IGSF11: variants seen among roughly 807,000 people sequenced by gnomAD.
IGSF11 encodes CXADR like 1.
In IGSF11, 22 loss-of-function variants were observed where a neutral mutation model predicts 41.0. The ratio of observed to expected loss-of-function variants is 0.54; its 90% confidence interval spans 0.38 to 0.77. IGSF11 has a LOEUF of 0.77. IGSF11 is among the 30% of genes least tolerant of loss of function. The pLI is 0.00. For missense variants in IGSF11, 444 were observed against 530.8 expected, an observed-to-expected ratio of 0.84 and a Z score of 1.61; for synonymous variants, 219 against 201.3, an observed-to-expected ratio of 1.09 and a Z score of -0.74.
intron 1 of IGSF11, among the ~76,000 whole-genome samples, chr3:119,049,659 A>G (rs1941530659): frequency 6.6e-6 from 1 of 152,200 alleles, no homozygotes; most frequent in Non-Finnish European, 1.5e-5. Context: ...TTTAAAGTTC[A>G]TATGGAACCT....
chr3:118,969,919 T>C (rs1321511816), intron 1 of IGSF11, among the ~76,000 whole-genome samples: 1 of 152,220 alleles, frequency 6.6e-6, no homozygotes, highest in South Asian at 2.1e-4. Context: ...CCTCCTCATC[T>C]CTGCCACAAG....
chr3:118,990,616 A>C (rs920491102), intron 1 of IGSF11, among the ~76,000 whole-genome samples: 4 of 152,230 alleles, frequency 2.6e-5, no homozygotes, highest in African/African-American at 9.6e-5. Context: ...ATGGATAAAG[A>C]GTTATAGCCA....
intron 1 of IGSF11, among the ~76,000 whole-genome samples, chr3:119,024,312 T>G (rs963585758): frequency 6.6e-6 from 1 of 152,186 alleles, no homozygotes. Flanking sequence ...ATGTTTAAAT[T>G]TCTTTTACTA....
chr3:119,073,463 C>T (rs938046953), intron 1 of IGSF11, among the ~76,000 whole-genome samples: 4 of 152,270 alleles, frequency 2.6e-5, no homozygotes, highest in East Asian at 1.9e-4. Flanking sequence ...CAGGTGGTGG[C>T]GCCCATCGGG....
intron 1 of IGSF11, among the ~76,000 whole-genome samples, chr3:119,046,088 T>C (rs1941337575): frequency 6.6e-6 from 1 of 151,244 alleles, no homozygotes; most frequent in Non-Finnish European, 1.5e-5. Flanking sequence ...TCAGAGCGCC[T>C]CTCCACCTCC....
At chr3:118,987,484 C>G (rs1553703856) in intron 1 of IGSF11, among the ~76,000 whole-genome samples, 1 of 152,116 alleles carries the variant, frequency 6.6e-6, no homozygotes, top group Non-Finnish European at 1.5e-5. Context: ...GAAGTCCTGC[C>G]TAGTAGTGTG....
chr3:119,090,941 T>G (rs985546276), intron 1 of IGSF11, among the ~76,000 whole-genome samples: 3 of 152,112 alleles, frequency 2.0e-5, no homozygotes, highest in African/African-American at 7.2e-5. Flanking sequence ...GCCTACAGAA[T>G]GGGAGAAAAT....
At chr3:119,119,319 T>G (rs2077301186) in intron 1 of IGSF11, among the ~76,000 whole-genome samples, 1 of 152,162 alleles carries the variant, frequency 6.6e-6, no homozygotes, top group Non-Finnish European at 1.5e-5. Flanking sequence ...GAGGAGCAAG[T>G]CACATCTTAC....
chr3:119,066,193 G>A (rs1942228874), intron 1 of IGSF11, among the ~76,000 whole-genome samples: 1 of 152,120 alleles, frequency 6.6e-6, no homozygotes, highest in Admixed American at 6.5e-5. Flanking sequence ...AACTGATCCA[G>A]GATGATCTTA....
At chr3:119,135,112 G>A (rs1420456850) in intron 1 of IGSF11, among the ~76,000 whole-genome samples, 2 of 152,164 alleles carry the variant, frequency 1.3e-5, no homozygotes, top group African/African-American at 4.8e-5. Context: ...AAAAACCCTA[G>A]AAGAAAACCT....
At chr3:118,910,659 A>G (rs1940162401) in intron 4 of IGSF11, among the ~76,000 whole-genome samples, 1 of 152,182 alleles carries the variant, frequency 6.6e-6, no homozygotes, top group Non-Finnish European at 1.5e-5. Flanking sequence ...CTTGCATATT[A>G]TATAAAGCCT....
Position 118,902,552 on chromosome 3 carries a change from G to GT in IGSF11, c.1263dup (p.Pro422ThrfsTer45), listed in dbSNP as rs777813790. Reference sequence around the variant, plus strand: ...AAGGACCCGGCCCGACTCTGGGCTGGTACCATGACAGGTACTGCACCAATT... The same window carrying GT: ...AAGGACCCGGCCCGACTCTGGGCTGGTTACCATGACAGGTACTGCACCAATT... On this transcript the variant is annotated frameshift_variant, in exon 7 of 7. Coordinates refer to ENST00000393775, the MANE Select transcript of IGSF11 (RefSeq NM_001015887.3). LOFTEE classifies it high-confidence loss of function. 4.3e-6 allele frequency: 7 copies of GT among 1,613,802 alleles called. No individual in the cohort carries two copies. The highest frequency in any genetic ancestry group is 5.9e-6 in the Non-Finnish European group (7 of 1,179,922).
intron 1 of IGSF11, among the ~76,000 whole-genome samples, chr3:119,007,454 G>C (rs1353267069): frequency 6.6e-6 from 1 of 151,920 alleles, no homozygotes; most frequent in Non-Finnish European, 1.5e-5. Context: ...GCTGTAGACC[G>C]GAGCTGTTCC....
At chr3:118,942,335 T>G (rs1036237398) in intron 1 of IGSF11, among the ~76,000 whole-genome samples, 3 of 152,194 alleles carry the variant, frequency 2.0e-5, no homozygotes, top group Non-Finnish European at 2.9e-5. Flanking sequence ...CAACTACGAA[T>G]GATGTCCCAG....
At chr3:119,134,191 C>A (rs2077524174) in intron 1 of IGSF11, among the ~76,000 whole-genome samples, 1 of 152,150 alleles carries the variant, frequency 6.6e-6, no homozygotes, top group African/African-American at 2.4e-5. Context: ...TCCTTTTCAA[C>A]ATGGTGTTGG....
intron 1 of IGSF11, among the ~76,000 whole-genome samples, chr3:119,047,185 A>G (rs1481192911): frequency 2.7e-5 from 4 of 150,896 alleles, no homozygotes; most frequent in Admixed American, 6.6e-5. Flanking sequence ...TGCTCCAATT[A>G]AAAGACACAC....
chr3:119,009,637 C>T (rs1223484389), intron 1 of IGSF11, among the ~76,000 whole-genome samples: 1 of 152,140 alleles, frequency 6.6e-6, no homozygotes, highest in Non-Finnish European at 1.5e-5. Flanking sequence ...TATAAATTAC[C>T]CAGCCTCAGG....
chr3:119,005,069 A>C (rs888588057), intron 1 of IGSF11, among the ~76,000 whole-genome samples: 1 of 148,444 alleles, frequency 6.7e-6, no homozygotes, highest in Non-Finnish European at 1.5e-5. Flanking sequence ...GGGGTGTTAA[A>C]GTCTCCCATT....
Position 119,118,920 on chromosome 3 carries a change from A to G in IGSF11, c.-13-13715T>C, listed in dbSNP as rs558286015. 4.8e-3 allele frequency among the ~76,000 whole-genome samples: 727 copies of G among 152,232 alleles called. 1 individual carries two copies. The highest frequency in any genetic ancestry group is 7.9e-3 in the Non-Finnish European group (536 of 68,010). ...TCTGTGCTAAAATGTAACAAGAATCACCTTTGCTCCAGTTCCCAACAAGTT... is the reference window on the plus strand; with the variant it reads ...TCTGTGCTAAAATGTAACAAGAATCGCCTTTGCTCCAGTTCCCAACAAGTT... On this transcript the variant is annotated intron_variant, in intron 1 of 7. Transcript: ENST00000425327.
Sources: gnomAD v4.1 joint callset for allele counts (sites outside exome capture counted in the v4.1 genomes callset) on GRCh38, gnomAD v4.1.1 for gene constraint, MANE v1.5 for transcripts, NCBI Gene and HGNC (gene_info 2026-07-23, HGNC 2026-07-21) for gene names.